LMNA: variants seen among roughly 807,000 people sequenced by gnomAD.
LMNA encodes the protein lamin A/C, also known as lamin.
A neutral mutation model predicts 70.4 loss-of-function variants in LMNA; 20 were observed. That is an observed-to-expected ratio of 0.28 (90% CI 0.20 to 0.41). The LOEUF (loss-of-function observed/expected upper bound fraction) is 0.41. Ranked by LOEUF, LMNA falls within the 10% of genes least tolerant of loss-of-function variation. The pLI is 1.00. For missense variants in LMNA, 652 were observed against 917.2 expected (o/e 0.71, Z 3.73); for synonymous variants, 339 against 372.8 (o/e 0.91, Z 1.04).
intron 3 of LMNA, among the ~76,000 whole-genome samples, chr1:156,099,985 T>C (rs899776633): frequency 1.3e-5 from 2 of 152,066 alleles, no homozygotes; most frequent in Non-Finnish European, 2.9e-5. Context: ...CCAAGCAATG[T>C]TGATGCCCAG....
intron 2 of LMNA, 32 bp downstream of exon 2, chr1:156,130,805 C>T (rs1443379121): frequency 1.2e-5 from 18 of 1,551,654 alleles, no homozygotes; most frequent in Admixed American, 1.9e-5. Context: ...CACCCATGGC[C>T]CCACCTAACA....
At chr1:156,111,791 G>C (rs770047965), upstream of LMNA, among the ~76,000 whole-genome samples, 2 of 152,194 alleles carry the variant, frequency 1.3e-5, no homozygotes, top group African/African-American at 4.8e-5. Flanking sequence ...TTCAGTAGCA[G>C]ATCTAGCATC....
chr1:156,115,989 C>A lies in LMNA; in HGVS notation c.356+715C>A, dbSNP rs1649801426. On this transcript the variant is annotated intron_variant, in intron 1 of 11. Coordinates refer to ENST00000368300, the MANE Select transcript of LMNA (RefSeq NM_170707.4). The surrounding 1 kb of genome is among the most constrained non-coding windows in gnomAD (Gnocchi z 5.8). ...AGCTCCGGGAGATGAGAGATCGGCT[C>A]CCCCGCAGCTCCCACAGCCCTTGGC... 6.6e-6 allele frequency among the ~76,000 whole-genome samples: 1 copy of A among 152,190 alleles called. No individual in the cohort carries two copies. Among genetic ancestry groups the A allele is most frequent in the Non-Finnish European group, 1.5e-5 (1 of 68,030 alleles).
rs1214784786 is a variant in LMNA, at chr1:156,101,643, G to GGAGA, written c.-207+11064_-207+11065insAGAG. Among the ~76,000 whole-genome samples the GGAGA allele has an allele frequency of 3.9e-5, 5 of 129,248 alleles. No individual in the cohort carries two copies. The Admixed American group carries it at 3.9e-4, about 10-fold the overall frequency. The allele number at this position is 129,248 out of a possible 152,430, so 84.8% of individuals were successfully genotyped here. A position where few individuals can be genotyped will look rare whatever the true frequency, so the allele number is the denominator to read the frequency against. On this transcript the variant is annotated intron_variant, in intron 3 of 12. Coordinates refer to the LMNA transcript ENST00000368301. Reference sequence around the variant, plus strand: ...GGAAGGACGGAAGGAAGGAAGGGAGGGAGGGAGGGAGGGAGGGAGGGAGGG... The same window carrying GGAGA: ...GGAAGGACGGAAGGAAGGAAGGGAGGGAGAGAGGGAGGGAGGGAGGGAGGGAGGG...
upstream of LMNA, among the ~76,000 whole-genome samples, chr1:156,112,202 G>A (rs750523416): frequency 2.8e-4 from 42 of 152,058 alleles, no homozygotes; most frequent in Admixed American, 2.3e-3. Context: ...ATCATTTGGG[G>A]CCAGGAGTTT....
In LMNA at chr1:156,134,951, G is replaced by T. The variant is rs1182407083; in HGVS notation, c.786G>T (p.Glu262Asp). 1 of 1,614,104 alleles carries T rather than the reference G, an allele frequency of 6.2e-7. No homozygotes were observed. Among genetic ancestry groups the T allele is most frequent in the Non-Finnish European group, 8.5e-7 (1 of 1,180,040 alleles). ...HEDQVEQYKKELEKTYSAKLD... is the reference protein window; with the variant it reads ...HEDQVEQYKKDLEKTYSAKLD... ...ACCAGGTGGAGCAGTATAAGAAGGA[G>T]CTGGAGAAGACTTATTCTGCCAAGG... The change falls in exon 4 of 12, where the codon GAG (glutamate) becomes GAT (aspartate). Residue 262 changes from glutamate (E) to aspartate (D), a missense_variant. Transcript: ENST00000368300. The surrounding 1 kb of genome is among the most constrained non-coding windows in gnomAD (Gnocchi z 5.3).
At chr1:156,126,470 G>A (rs1650585112) in intron 1 of LMNA, 2 of 635,934 alleles carry the variant, frequency 3.1e-6, no homozygotes, top group Middle Eastern at 3.5e-4. Flanking sequence ...TCAGAGTTGG[G>A]CTGAGCAGGG....
Position 156,124,297 on chromosome 1 carries a change from C to CTCT in LMNA, c.357-6319_357-6318insCTT, listed in dbSNP as rs369499136. Reference sequence around the variant, plus strand: ...CCCCTCAGTTCCTCTCTCTCTCTCTCTTTTTTTTTGAGATGGAGTCTCGCT... The same window carrying CTCT: ...CCCCTCAGTTCCTCTCTCTCTCTCTCTCTTTTTTTTTTGAGATGGAGTCTCGCT... On this transcript the variant is annotated intron_variant, in intron 1 of 11. Transcript: ENST00000368300. Among the ~76,000 whole-genome samples, 1,039 of 150,682 alleles carry CTCT rather than the reference C, an allele frequency of 6.9e-3. 11 individuals carry two copies. The highest frequency in any genetic ancestry group is 0.024 in the African/African-American group (995 of 41,038).
chr1:156,138,484 C>T lies in LMNA; in HGVS notation c.1699-4C>T, dbSNP rs1394491459. 8 of 1,611,626 alleles carry T rather than the reference C, an allele frequency of 5.0e-6. No individual in the cohort carries two copies. The highest frequency in any genetic ancestry group is 6.8e-6 in the Non-Finnish European group (8 of 1,179,662). On this transcript the variant is annotated splice_region_variant and splice_polypyrimidine_tract_variant and intron_variant, in intron 10 of 11. Coordinates refer to ENST00000368300, the MANE Select transcript of LMNA (RefSeq NM_170707.4). This position sits in a 1 kb window ranked among gnomAD's most constrained non-coding sequence, Gnocchi z 5.5. The stretch of plus-strand genomic sequence containing the variant: ...TCCCGCCTGAGCCTTGTCTCCCTTC[C>T]CAGGGCTCCCACTGCAGCAGCTCGG...
At chr1:156,119,002 G>A (rs755996696) in intron 1 of LMNA, among the ~76,000 whole-genome samples, 27 of 152,122 alleles carry the variant, frequency 1.8e-4, no homozygotes, top group Non-Finnish European at 3.5e-4. Context: ...CTGGGGTGCA[G>A]TGGCATGATC....
intron 3 of LMNA, among the ~76,000 whole-genome samples, chr1:156,094,335 A>G (rs1312094108): frequency 6.6e-6 from 1 of 152,078 alleles, no homozygotes; most frequent in Non-Finnish European, 1.5e-5. Context: ...GCTGAAGTGG[A>G]GGAGTCATGT....
At chr1:156,120,180 T>C (rs1650093304) in intron 1 of LMNA, among the ~76,000 whole-genome samples, 1 of 152,186 alleles carries the variant, frequency 6.6e-6, no homozygotes, top group African/African-American at 2.4e-5. Context: ...CTCCAGTTCA[T>C]GTAGGCTCTG....
intron 2 of LMNA, among the ~76,000 whole-genome samples, chr1:156,089,763 CT>C (rs1198134272): frequency 1.3e-5 from 2 of 152,192 alleles, no homozygotes; most frequent in Non-Finnish European, 2.9e-5. Context: ...TGCTTCTCCC[CT>C]GGGACTACAC....
chr1:156,097,969 GATC>G (rs938596162), intron 3 of LMNA, among the ~76,000 whole-genome samples: 55 of 152,248 alleles, frequency 3.6e-4, no homozygotes, highest in African/African-American at 1.2e-3. Context: ...GTGTGTGTGT[GATC>G]ATCATGTCTA....
chr1:156,124,999 A>C (rs768323365), intron 1 of LMNA, among the ~76,000 whole-genome samples: 3 of 152,186 alleles, frequency 2.0e-5, no homozygotes, highest in Middle Eastern at 3.4e-3. Flanking sequence ...TCCTCAGGTG[A>C]CCTGGGGGCA....
Position 156,138,533 on chromosome 1 carries a change from C to T in LMNA, c.1744C>T (p.Arg582Cys), listed in dbSNP as rs918645468. Reference protein sequence around the residue: ...SSGDPAEYNLRSRTVLCGTCG... With the variant: ...SSGDPAEYNLCSRTVLCGTCG... ...GGGGGACCCCGCTGAGTACAACCTG[C>T]GCTCGCGCACCGTGCTGTGCGGGAC... Residue 582 changes from arginine to cysteine, a missense_variant, in exon 11 of 12, where the codon CGC becomes TGC. Around this residue, in one of 4 missense-constraint regions of LMNA, gnomAD observed 327 missense variants for 387.6 expected, o/e 0.84. Transcript: ENST00000368300. The surrounding 1 kb of genome is among the most constrained non-coding windows in gnomAD (Gnocchi z 5.5). 4 of 1,612,430 alleles carry T rather than the reference C, an allele frequency of 2.5e-6. No individual in the cohort carries two copies. Among genetic ancestry groups the T allele is most frequent in the Non-Finnish European group, 3.4e-6 (4 of 1,179,784 alleles).
Position 156,103,317 on chromosome 1 carries a change from G to C in LMNA, c.-206-11396G>C, listed in dbSNP as rs571293611. On this transcript the variant is annotated intron_variant, in intron 3 of 12. Transcript: ENST00000368301. The surrounding 1 kb of genome is among the most constrained non-coding windows in gnomAD (Gnocchi z 4.7). ...GTGAGAAGCCAGCGATCGACCCCCA[G>C]GGAGAAGTCTTGCAGAGGAGGGTCC... is the stretch of plus-strand genomic sequence containing the variant. Among the ~76,000 whole-genome samples, 10 of 152,294 alleles carry C rather than the reference G, an allele frequency of 6.6e-5. No individual in the cohort carries two copies. Among genetic ancestry groups the C allele is most frequent in the African/African-American group, 2.4e-4 (10 of 41,570 alleles).
chr1:156,110,184 GT>G (rs1311365076), upstream of LMNA, among the ~76,000 whole-genome samples: 1 of 152,034 alleles, frequency 6.6e-6, no homozygotes, highest in Non-Finnish European at 1.5e-5. Context: ...AGCTCCTACC[GT>G]GTTCTAACAA....
chr1:156,129,112 C>T (rs1650826048), intron 1 of LMNA, among the ~76,000 whole-genome samples: 1 of 152,230 alleles, frequency 6.6e-6, no homozygotes, highest in Non-Finnish European at 1.5e-5. Context: ...GGAGGGAATA[C>T]ATTCTCCGGT....
Sources: allele counts gnomAD v4.1 joint callset (sites outside exome capture counted in the v4.1 genomes callset), GRCh38; gene constraint gnomAD v4.1.1; regional missense constraint gnomAD v4.1.1; non-coding constraint Gnocchi (gnomAD v3.1); transcripts MANE v1.5; gene names NCBI Gene and HGNC (gene_info 2026-07-23, HGNC 2026-07-21).